The following ELOVL6 variants were observed in gnomAD, a reference collection of about 807,000 sequenced individuals.
ELOVL6 encodes the protein very long chain fatty acid elongase 6.
Under a neutral mutation model 31.7 loss-of-function variants are expected in ELOVL6, and 8 were observed. The ratio of observed to expected loss-of-function variants is 0.25; its 90% CI spans 0.15 to 0.45. The LOEUF (loss-of-function observed/expected upper bound fraction) is 0.45. Among genes scored for constraint, ELOVL6 ranks in the 20% least tolerant of loss-of-function variants. The pLI is 1.00. For missense variants in ELOVL6, 126 were observed against 326.4 expected, an observed-to-expected ratio of 0.39 and a Z score of 4.73; for synonymous variants, 101 against 117.7, an observed-to-expected ratio of 0.86 and a Z score of 0.92.
Position 110,051,430 on chromosome 4 carries a change from A to T in ELOVL6, c.706T>A (p.Ser236Thr), listed in dbSNP as rs1196038118. 6.2e-7 allele frequency: 1 copy of T among 1,614,242 alleles called. No individual in the cohort carries two copies. The highest frequency in any genetic ancestry group is 1.1e-5 in the South Asian group (1 of 91,082). The change falls in exon 4 of 4, where the codon TCA becomes ACA. Residue 236 changes from serine to threonine, a missense_variant. By Grantham distance (58) the Ser-to-Thr change is moderately conservative (BLOSUM62 1). Coordinates refer to ENST00000302274, the MANE Select transcript of ELOVL6 (RefSeq NM_024090.3). This position sits in a 1 kb window ranked among gnomAD's most constrained non-coding sequence, Gnocchi z 4.8. ...ACAAGGTAGCTGAGGTACATGAGTG[A>T]GGACCAGAAGATGTTCTGAAAGTGA... ...HSHFQNIFWS[S>T]LMYLSYLVLF...
chr4:110,058,530 C>G (rs1755056598), intron 3 of ELOVL6, among the ~76,000 whole-genome samples: 1 of 152,118 alleles, frequency 6.6e-6, no homozygotes, highest in Non-Finnish European at 1.5e-5. Context: ...TCAGACAGTT[C>G]CCATTCTATC....
chr4:110,104,561 G>T (rs1034023674), intron 2 of ELOVL6, among the ~76,000 whole-genome samples: 1 of 152,080 alleles, frequency 6.6e-6, no homozygotes. Flanking sequence ...ATCCATTTCT[G>T]CTTAGAACAG....
At chr4:110,168,957 C>A (rs1388877540) in intron 1 of ELOVL6, among the ~76,000 whole-genome samples, 1 of 151,932 alleles carries the variant, frequency 6.6e-6, no homozygotes, top group Non-Finnish European at 1.5e-5. Flanking sequence ...TCCAGTAAGT[C>A]TTTTTTAAAT....
intron 1 of ELOVL6, among the ~76,000 whole-genome samples, chr4:110,153,002 A>T (rs1758321710): frequency 6.6e-6 from 1 of 152,214 alleles, no homozygotes; most frequent in African/African-American, 2.4e-5. Context: ...ATTGAAGAGC[A>T]GGAATGACAC....
At chr4:110,192,232 A>T (rs1363696751) in intron 1 of ELOVL6, among the ~76,000 whole-genome samples, 1 of 152,060 alleles carries the variant, frequency 6.6e-6, no homozygotes, top group East Asian at 1.9e-4. Context: ...AAGAAAAAGA[A>T]AGATTCTTCT....
At chr4:110,092,529 A>C (rs1032202144) in intron 2 of ELOVL6, among the ~76,000 whole-genome samples, 5 of 152,198 alleles carry the variant, frequency 3.3e-5, no homozygotes, top group Non-Finnish European at 7.4e-5. Context: ...CATGTGGACT[A>C]TCAGGGGAAG....
chr4:110,107,244 C>A (rs1756914132), intron 1 of ELOVL6, among the ~76,000 whole-genome samples: 1 of 152,146 alleles, frequency 6.6e-6, no homozygotes, highest in Admixed American at 6.5e-5. Flanking sequence ...CAGAAATCAA[C>A]CCATAAGTAA....
In ELOVL6 at chr4:110,077,937, T is replaced by G. The variant is rs578057507; in HGVS notation, c.222-18183A>C. 2.6e-5 allele frequency among the ~76,000 whole-genome samples: 4 copies of G among 152,104 alleles called. No individual in the cohort carries two copies. In the South Asian group the frequency reaches 8.3e-4, roughly 32 times the overall value. ...AAACCAAGGCATGAGAACTACGTGATGAATGCACAAGCCTCAGTAGCCAAT... is the reference window on the plus strand; with the variant it reads ...AAACCAAGGCATGAGAACTACGTGAGGAATGCACAAGCCTCAGTAGCCAAT... On this transcript the variant is annotated intron_variant, in intron 2 of 3. Transcript: ENST00000302274.
At chr4:110,117,901 A>ATAT (rs1159594242) in intron 1 of ELOVL6, 2 of 4,708 alleles carry the variant, frequency 4.2e-4, no homozygotes, top group Admixed American at 2.9e-3. Context: ...AAAAAAAAAA[A>ATAT]AAATATATAT....
chr4:110,178,808 CAG>C (rs1201184068), intron 1 of ELOVL6, among the ~76,000 whole-genome samples: 1 of 152,104 alleles, frequency 6.6e-6, no homozygotes, highest in East Asian at 1.9e-4. Context: ...GCCTCGGTGA[CAG>C]AGAGAGACTC....
intron 2 of ELOVL6, among the ~76,000 whole-genome samples, chr4:110,096,160 A>G (rs1434975040): frequency 6.6e-6 from 1 of 152,188 alleles, no homozygotes; most frequent in East Asian, 1.9e-4. Context: ...TATAAATAGA[A>G]TAACTGTTTT....
chr4:110,085,371 C>A lies in ELOVL6; in HGVS notation c.221+20126G>T, dbSNP rs868440309. Among the ~76,000 whole-genome samples, 6 of 152,134 alleles carry A rather than the reference C, an allele frequency of 3.9e-5. No homozygotes were observed. In the South Asian group the frequency reaches 6.2e-4, roughly 16 times the overall value. On this transcript the variant is annotated intron_variant, in intron 2 of 3. Transcript: ENST00000302274. ...TACCAGAACACTGCTATCTCAGGTGCAAGCATCCAGTTAATAGTCCACAGT... is the reference window on the plus strand; with the variant it reads ...TACCAGAACACTGCTATCTCAGGTGAAAGCATCCAGTTAATAGTCCACAGT...
chr4:110,066,081 G>A (rs1395135232), intron 2 of ELOVL6, among the ~76,000 whole-genome samples: 2 of 152,152 alleles, frequency 1.3e-5, no homozygotes, highest in Non-Finnish European at 2.9e-5. Flanking sequence ...TACAATCAAA[G>A]GGGGGTGGGA....
rs1754763848 is a variant in ELOVL6, at chr4:110,048,814, CAAAA to C, written c.*2520_*2523del. 1 of 152,014 alleles carries C rather than the reference CAAAA, an allele frequency of 6.6e-6. No individual in the cohort carries two copies. The highest frequency in any genetic ancestry group is 1.5e-5 in the Non-Finnish European group (1 of 67,992). The allele number at this position is 152,014 out of a possible 1,614,324, so 9.4% of individuals were successfully genotyped here. A position where few individuals can be genotyped will look rare whatever the true frequency, so the allele number is the denominator to read the frequency against. Reference sequence around the variant, plus strand: ...ACTATTAAGACATTCACCCTGTAAACAAAAATTCCAAATTATTTTACAAGTAAAG... The same window carrying C: ...ACTATTAAGACATTCACCCTGTAAACATTCCAAATTATTTTACAAGTAAAG... On this transcript the variant is annotated 3_prime_UTR_variant, in exon 4 of 4. Coordinates refer to ENST00000302274, the MANE Select transcript of ELOVL6 (RefSeq NM_024090.3).
intron 1 of ELOVL6, among the ~76,000 whole-genome samples, chr4:110,148,372 G>C (rs1485101484): frequency 6.6e-6 from 1 of 151,826 alleles, no homozygotes; most frequent in African/African-American, 2.4e-5. Flanking sequence ...AAATAAGCCA[G>C]GCACAGAAAG....
chr4:110,096,335 C>A (rs1362837728), intron 2 of ELOVL6, among the ~76,000 whole-genome samples: 1 of 152,094 alleles, frequency 6.6e-6, no homozygotes, highest in Admixed American at 6.6e-5. Flanking sequence ...TTGTCAATTT[C>A]TTATTTTTAT....
intron 2 of ELOVL6, among the ~76,000 whole-genome samples, chr4:110,098,672 A>T (rs923355591): frequency 2.0e-5 from 3 of 152,164 alleles, no homozygotes; most frequent in South Asian, 2.1e-4. Flanking sequence ...ACGAGTTTTT[A>T]AAATTTTCAT....
At chr4:110,180,650 G>GA (rs1759244493) in intron 1 of ELOVL6, among the ~76,000 whole-genome samples, 1 of 152,136 alleles carries the variant, frequency 6.6e-6, no homozygotes, top group South Asian at 2.1e-4. Flanking sequence ...CAATTCTCCT[G>GA]GCCTCACGGC....
At chr4:110,121,177 C>G (rs1757348241) in intron 1 of ELOVL6, among the ~76,000 whole-genome samples, 2 of 152,142 alleles carry the variant, frequency 1.3e-5, no homozygotes, top group Non-Finnish European at 1.5e-5. Flanking sequence ...ATAGCCAAGT[C>G]AAGAACTATC....
Sources: gnomAD v4.1 joint callset for allele counts (sites outside exome capture counted in the v4.1 genomes callset) on GRCh38, gnomAD v4.1.1 for gene constraint, Gnocchi (gnomAD v3.1) non-coding constraint, MANE v1.5 for transcripts, NCBI Gene and HGNC (gene_info 2026-07-23, HGNC 2026-07-21) for gene names.